PTPRD: variants seen among roughly 807,000 people sequenced by gnomAD.
PTPRD encodes receptor-type tyrosine-protein phosphatase delta.
A neutral mutation model predicts 214.5 loss-of-function variants in PTPRD; 34 were observed. The ratio of observed to expected loss-of-function variants is 0.16; its 90% CI spans 0.12 to 0.21. The LOEUF (loss-of-function observed/expected upper bound fraction) is 0.21, where lower values mean the gene tolerates loss of function less well. Among genes scored for constraint, PTPRD ranks in the 10% least tolerant of loss-of-function variants. The probability of loss-of-function intolerance (pLI) is 1.00; values close to 1 mark genes in which losing one functional copy is unlikely to be tolerated. For synonymous variants in PTPRD, 1,128 were observed against 845.7 expected (o/e 1.33, Z -5.79); for missense variants, 2,545 against 2,398.7 (o/e 1.06, Z -1.27).
intron 4 of PTPRD, among the ~76,000 whole-genome samples, chr9:9,987,532 G>A (rs950511387): frequency 3.3e-5 from 5 of 152,024 alleles, no homozygotes; most frequent in African/African-American, 1.2e-4. Context: ...TCACTATCAC[G>A]AGAACAGCAC....
At chr9:9,363,826 G>A (rs1446207598) in intron 9 of PTPRD, among the ~76,000 whole-genome samples, 1 of 151,210 alleles carries the variant, frequency 6.6e-6, no homozygotes, top group Non-Finnish European at 1.5e-5. Context: ...AGGGAACTAA[G>A]GTCCAGCGAC....
At chr9:10,229,307 A>T (rs919535009) in intron 3 of PTPRD, among the ~76,000 whole-genome samples, 2 of 152,064 alleles carry the variant, frequency 1.3e-5, no homozygotes, top group Non-Finnish European at 2.9e-5. Flanking sequence ...TTCCTCAGGG[A>T]TCTAGAACTA....
At chr9:10,388,962 A>T (rs2097991512) in intron 2 of PTPRD, among the ~76,000 whole-genome samples, 1 of 151,868 alleles carries the variant, frequency 6.6e-6, no homozygotes, top group Admixed American at 6.6e-5. Flanking sequence ...AAGTTGAAAG[A>T]TTTAATCAAG....
chr9:9,782,211 T>C (rs72710125), intron 5 of PTPRD, among the ~76,000 whole-genome samples: 2 of 152,302 alleles, frequency 1.3e-5, no homozygotes, highest in African/African-American at 2.4e-5. Flanking sequence ...TGTGTATATG[T>C]ATGCATGAAC....
intron 34 of PTPRD, among the ~76,000 whole-genome samples, chr9:8,440,216 T>C (rs1184832320): frequency 6.6e-6 from 1 of 152,044 alleles, no homozygotes; most frequent in Non-Finnish European, 1.5e-5. Context: ...ACTCAGCTAT[T>C]ATTGGCAGCA....
intron 2 of PTPRD, among the ~76,000 whole-genome samples, chr9:10,509,348 T>A (rs988997212): frequency 6.6e-6 from 1 of 151,662 alleles, no homozygotes; most frequent in Admixed American, 6.6e-5. Flanking sequence ...ATTTGATTCA[T>A]AGATATGGAT....
chr9:8,556,263 T>C (rs934941336), intron 14 of PTPRD, among the ~76,000 whole-genome samples: 4 of 152,212 alleles, frequency 2.6e-5, no homozygotes, highest in South Asian at 2.1e-4. Flanking sequence ...GTCCAGAGCA[T>C]ATGTCATAAC....
chr9:8,463,536 G>A (rs896084452), intron 32 of PTPRD, among the ~76,000 whole-genome samples: 3 of 151,676 alleles, frequency 2.0e-5, no homozygotes, highest in African/African-American at 7.3e-5. Flanking sequence ...TAATAATCAC[G>A]GTCCATTGAG....
chr9:9,590,430 A>G (rs995716709), intron 7 of PTPRD, among the ~76,000 whole-genome samples: 3 of 152,162 alleles, frequency 2.0e-5, no homozygotes, highest in African/African-American at 7.2e-5. Flanking sequence ...CACTGCTTAC[A>G]CTATGATCCC....
At chr9:9,624,872 C>T (rs1439897090) in intron 7 of PTPRD, among the ~76,000 whole-genome samples, 1 of 150,570 alleles carries the variant, frequency 6.6e-6, no homozygotes, top group Non-Finnish European at 1.5e-5. Flanking sequence ...AATGTAGCTG[C>T]GATTAATCTG....
At chr9:9,280,247 G>C (rs1268059784) in intron 9 of PTPRD, among the ~76,000 whole-genome samples, 1 of 151,210 alleles carries the variant, frequency 6.6e-6, no homozygotes, top group African/African-American at 2.4e-5. Context: ...AAGACGGAGT[G>C]ACTTGTAGAG....
chr9:10,190,841 C>T (rs2154320241), intron 3 of PTPRD, among the ~76,000 whole-genome samples: 1 of 151,722 alleles, frequency 6.6e-6, no homozygotes, highest in Non-Finnish European at 1.5e-5. Context: ...AAGTAGGCTG[C>T]TGAAGTAATA....
intron 9 of PTPRD, among the ~76,000 whole-genome samples, chr9:9,317,477 A>T (rs1963886935): frequency 6.6e-6 from 1 of 151,984 alleles, no homozygotes; most frequent in Non-Finnish European, 1.5e-5. Context: ...TCCTTTCCAC[A>T]ATTAGGGATG....
intron 2 of PTPRD, among the ~76,000 whole-genome samples, chr9:10,420,725 C>G (rs375809417): frequency 6.6e-6 from 1 of 151,776 alleles, no homozygotes; most frequent in Non-Finnish European, 1.5e-5. Flanking sequence ...TTTCAACAAA[C>G]ATTAACAGAT....
At chr9:9,227,688 G>C (rs2099960405) in intron 9 of PTPRD, among the ~76,000 whole-genome samples, 1 of 152,098 alleles carries the variant, frequency 6.6e-6, no homozygotes, top group African/African-American at 2.4e-5. Flanking sequence ...TCTGGGGGAA[G>C]CTAGATCACC....
At chr9:8,651,330 G>A (rs1000042451) in intron 12 of PTPRD, among the ~76,000 whole-genome samples, 2 of 152,010 alleles carry the variant, frequency 1.3e-5, no homozygotes, top group East Asian at 3.9e-4. Context: ...TTCTATGCTC[G>A]GGCTCTGAAG....
chr9:9,227,598 G>A (rs1228251701), intron 9 of PTPRD, among the ~76,000 whole-genome samples: 2 of 152,100 alleles, frequency 1.3e-5, no homozygotes, highest in Non-Finnish European at 2.9e-5. Flanking sequence ...TAAAGCTCAA[G>A]TAATCATGTA....
At chr9:8,686,875 C>A (rs1224696202) in intron 12 of PTPRD, among the ~76,000 whole-genome samples, 1 of 152,198 alleles carries the variant, frequency 6.6e-6, no homozygotes, top group Non-Finnish European at 1.5e-5. Context: ...ATTTTATATT[C>A]TCTCAAGTAA....
intron 18 of PTPRD, among the ~76,000 whole-genome samples, chr9:8,523,816 C>G (rs1186223016): frequency 6.6e-6 from 1 of 152,124 alleles, no homozygotes; most frequent in Admixed American, 6.6e-5. Flanking sequence ...GATCAAGGGA[C>G]TTTCGAAGAA....
Sources: gnomAD v4.1 joint callset for allele counts (sites outside exome capture counted in the v4.1 genomes callset) on GRCh38, gnomAD v4.1.1 for gene constraint, MANE v1.5 for transcripts, NCBI Gene and HGNC (gene_info 2026-07-23, HGNC 2026-07-21) for gene names.